MFAP2: variants seen among roughly 807,000 people sequenced by gnomAD.
The protein encoded by MFAP2 is microfibrillar-associated protein 2.
MFAP2 carries 23 observed loss-of-function variants against 30.6 expected under a neutral mutation model. The observed-to-expected ratio is 0.75, with a 90% CI of 0.54 to 1.07. MFAP2 has a LOEUF of 1.07. Among genes scored for constraint, MFAP2 ranks in the 50% least tolerant of loss-of-function variants. The probability of loss-of-function intolerance (pLI) is 0.00; values close to 1 mark genes in which losing one functional copy is unlikely to be tolerated. For synonymous variants in MFAP2, 73 were observed against 85.7 expected (o/e 0.85, Z 0.82); for missense variants, 198 against 223.8 (o/e 0.88, Z 0.74).
intron 3 of MFAP2, 67 bp downstream of exon 3, chr1:16,977,042 G>C: frequency 6.2e-7 from 1 of 1,612,280 alleles, no homozygotes; most frequent in South Asian, 1.1e-5. Flanking sequence ...AGCGTGTCCA[G>C]TGCGGTCCCT....
intron 1 of MFAP2, chr1:16,979,239 C>T (rs1357286880): frequency 7.2e-5 from 11 of 152,294 alleles, no homozygotes; most frequent in Admixed American, 5.2e-4. Context: ...TCCGGTTCCC[C>T]ACATCCAGCC....
At position 16,975,717 on chromosome 1, in the gene MFAP2, T is replaced by C; in HGVS notation, c.300A>G (p.Glu100=). 2 of 1,613,178 alleles carry C rather than the reference T, an allele frequency of 1.2e-6. No individual in the cohort carries two copies. Among genetic ancestry groups the C allele is most frequent in the African/African-American group, 2.7e-5 (2 of 74,938 alleles). The part of the protein sequence containing the change: ...TEPGPLDCRE[E]QYPCTRLYSI... ...AGTAGAGGCGGGTGCACGGGTACTG[T>C]TCCTCACGGCAGTCTGGTGACAGGT... The change falls in exon 7 of 9, where the codon GAA becomes GAG. Residue 100 remains glutamate (E), a synonymous_variant. Coordinates refer to ENST00000375535, the MANE Select transcript of MFAP2 (RefSeq NM_002403.4). The surrounding 1 kb of genome is among the most constrained non-coding windows in gnomAD (Gnocchi z 5.0).
In MFAP2 at chr1:16,976,856, C is replaced by G; in HGVS notation, c.154+41G>C. ...TACCCCTCCCAGGGGGTCTCCCCAC[C>G]CCAGCTGCCGGCCCGTCCTATCCTA... On this transcript the variant is annotated intron_variant, in intron 4 of 8. Coordinates refer to ENST00000375535, the MANE Select transcript of MFAP2 (RefSeq NM_002403.4). This position sits in a 1 kb window ranked among gnomAD's most constrained non-coding sequence, Gnocchi z 5.5. The G allele has an allele frequency of 6.2e-7, 1 of 1,614,094 alleles. No individual in the cohort carries two copies. The highest frequency in any genetic ancestry group is 8.5e-7 in the Non-Finnish European group (1 of 1,179,992).
chr1:16,976,959 A>C lies in MFAP2; in HGVS notation c.128-36T>G. ...AGATGAAAGTGGAATTGGTGGGAGT[A>C]AGGCTAATCCCCCAGCCCCTGGGGC... On this transcript the variant is annotated intron_variant, in intron 3 of 8. Coordinates refer to ENST00000375535, the MANE Select transcript of MFAP2 (RefSeq NM_002403.4). This position sits in a 1 kb window ranked among gnomAD's most constrained non-coding sequence, Gnocchi z 5.5. 1 of 1,614,034 alleles carries C rather than the reference A, an allele frequency of 6.2e-7. No individual in the cohort carries two copies. Among genetic ancestry groups the C allele is most frequent in the Non-Finnish European group, 8.5e-7 (1 of 1,179,980 alleles).
intron 1 of MFAP2, among the ~76,000 whole-genome samples, chr1:16,979,930 T>G (rs1459476398): frequency 6.6e-6 from 1 of 152,124 alleles, no homozygotes; most frequent in East Asian, 1.9e-4. Flanking sequence ...GAAGGGGTTT[T>G]GGGGCGTGCG....
chr1:16,976,901 A>G lies in MFAP2; in HGVS notation c.150T>C (p.Tyr50=). Residue 50 remains tyrosine, a synonymous_variant, in exon 4 of 9, where the codon TAT becomes TAC. Coordinates refer to ENST00000375535, the MANE Select transcript of MFAP2 (RefSeq NM_002403.4). This position sits in a 1 kb window ranked among gnomAD's most constrained non-coding sequence, Gnocchi z 5.5. ...DQIDNPDYYD[Y]QEVTPRPSEE... is the part of the protein sequence containing the mutation. The stretch of plus-strand genomic sequence containing the variant: ...ATCCTACCCCTAGCCCGTTACCTTG[A>G]TAATCATAGTAGTCTGGGTTGTCTG... 1 of 1,614,058 alleles carries G rather than the reference A, an allele frequency of 6.2e-7. No individual in the cohort carries two copies. The highest frequency in any genetic ancestry group is 8.5e-7 in the Non-Finnish European group (1 of 1,179,992).
intron 1 of MFAP2, among the ~76,000 whole-genome samples, chr1:16,979,555 C>T (rs1475890713): frequency 6.6e-6 from 1 of 152,222 alleles, no homozygotes; most frequent in Non-Finnish European, 1.5e-5. Flanking sequence ...AGCTCAGGAC[C>T]AAGCTGCCCC....
At chr1:16,981,528 T>C (rs1421609025), upstream of MFAP2, among the ~76,000 whole-genome samples, 3 of 152,226 alleles carry the variant, frequency 2.0e-5, no homozygotes, top group African/African-American at 7.2e-5. Context: ...AAAATTTCTT[T>C]TGTGACTCCG....
At position 16,975,619 on chromosome 1, in the gene MFAP2, C is replaced by T. The variant is rs560630092; in HGVS notation, c.374+24G>A. On this transcript the variant is annotated intron_variant, in intron 7 of 8. Transcript: ENST00000375535. This position sits in a 1 kb window ranked among gnomAD's most constrained non-coding sequence, Gnocchi z 5.0. ...AGCCCCCCATGCTCCGGAATCCTCC[C>T]GACAGCTGCCCATCTGTGCTCACCT... The T allele has an allele frequency of 9.9e-6, 16 of 1,611,116 alleles. No homozygotes were observed. The highest frequency in any genetic ancestry group is 8.4e-5 in the Admixed American group (5 of 59,842).
intron 1 of MFAP2, among the ~76,000 whole-genome samples, 160 bp downstream of exon 1, chr1:16,980,427 C>A (rs1032108942): frequency 6.6e-6 from 1 of 151,972 alleles, no homozygotes; most frequent in Non-Finnish European, 1.5e-5. Context: ...TTTCCAGGTG[C>A]CCCCTTGGCC....
Position 16,976,701 on chromosome 1 carries a change from G to A in MFAP2, c.241+7C>T, listed in dbSNP as rs1397146834. On this transcript the variant is annotated splice_region_variant and intron_variant, in intron 5 of 8. Coordinates refer to ENST00000375535, the MANE Select transcript of MFAP2 (RefSeq NM_002403.4). This position sits in a 1 kb window ranked among gnomAD's most constrained non-coding sequence, Gnocchi z 5.5. ...TGAGACGGGTGGGAGCAGGGTCTGG[G>A]GCCTACCTGGGGTTGGGGCTGGGAT... The A allele has an allele frequency of 6.2e-7, 1 of 1,613,590 alleles. No homozygotes were observed. Among genetic ancestry groups the A allele is most frequent in the African/African-American group, 1.3e-5 (1 of 74,990 alleles).
At position 16,975,362 on chromosome 1, in the gene MFAP2, G is replaced by A. The variant is rs1294173599; in HGVS notation, c.375-20C>T. The A allele has an allele frequency of 1.2e-6, 2 of 1,611,890 alleles. No individual in the cohort carries two copies. The highest frequency in any genetic ancestry group is 1.3e-5 in the African/African-American group (1 of 74,984). ...CGGAGGCTGCGGGGACAGGGCACGGGAGGTCTCAGCCCCACTTCCACCCAA... is the reference window on the plus strand; with the variant it reads ...CGGAGGCTGCGGGGACAGGGCACGGAAGGTCTCAGCCCCACTTCCACCCAA... On this transcript the variant is annotated intron_variant, in intron 7 of 8. Coordinates refer to ENST00000375535, the MANE Select transcript of MFAP2 (RefSeq NM_002403.4). This position sits in a 1 kb window ranked among gnomAD's most constrained non-coding sequence, Gnocchi z 5.0.
In MFAP2 at chr1:16,977,111, A is replaced by C. The variant is rs2076599399; in HGVS notation, c.125T>G (p.Ile42Ser). Residue 42 changes from isoleucine (I) to serine (S), a missense_variant and splice_region_variant, in exon 3 of 9, where the codon ATC becomes AGC. Transcript: ENST00000375535. Reference sequence around the variant, plus strand: ...CGGTGACCCGGCAAGGCCCTTACCGATCTGGTCGCTATAGTGGGTGTACTG... The same window carrying C: ...CGGTGACCCGGCAAGGCCCTTACCGCTCTGGTCGCTATAGTGGGTGTACTG... Reference protein sequence around the residue: ...HVQYTHYSDQIDNPDYYDYQE... With the variant: ...HVQYTHYSDQSDNPDYYDYQE... 1 of 1,613,668 alleles carries C rather than the reference A, an allele frequency of 6.2e-7. No homozygotes were observed. The highest frequency in any genetic ancestry group is 1.3e-5 in the African/African-American group (1 of 74,878).
chr1:16,977,265 G>C, intron 2 of MFAP2, 67 bp from the exon 3 acceptor site: 1 of 1,503,256 alleles, frequency 6.7e-7, no homozygotes, highest in Non-Finnish European at 9.1e-7. Flanking sequence ...GGCGCTTCTG[G>C]AGAGTGGAGG....
chr1:16,978,116 G>C (rs1030669933), intron 2 of MFAP2, 121 bp downstream of exon 2: 2 of 1,128,286 alleles, frequency 1.8e-6, no homozygotes, highest in Non-Finnish European at 2.5e-6. Context: ...AAGGCCCTGG[G>C]AGCTGGGGAG....
rs60998638 is a variant in MFAP2 at position 16,977,886 on chromosome 1, C to G, written c.37+351G>C. The G allele has an allele frequency of 1.7e-4, 50 of 290,402 alleles. No homozygotes were observed. In the East Asian group the frequency reaches 4.0e-3, roughly 23 times the overall value. 18.0% of individuals were successfully genotyped at this position (290,402 alleles called of 1,614,324 possible). On this transcript the variant is annotated intron_variant, in intron 2 of 8. Transcript: ENST00000375535. ...TAGAGCAGAAGGGCCCTGAATGGAT[C>G]TAGAACTCAAGCATCCGGACTCCCT...
intron 2 of MFAP2, 67 bp downstream of exon 2, chr1:16,978,170 C>T: frequency 1.3e-6 from 2 of 1,498,788 alleles, no homozygotes; most frequent in Non-Finnish European, 1.8e-6. Flanking sequence ...ACTATGAATT[C>T]CCCCTACTAA....
At position 16,975,352 on chromosome 1, in the gene MFAP2, CAG is replaced by C. The variant is rs1310648727; in HGVS notation, c.375-12_375-11del. ...GTACACACGGCGGAGGCTGCGGGGACAGGGCACGGGAGGTCTCAGCCCCACTT... is the reference window on the plus strand; with the variant it reads ...GTACACACGGCGGAGGCTGCGGGGACGGCACGGGAGGTCTCAGCCCCACTT... On this transcript the variant is annotated splice_polypyrimidine_tract_variant and intron_variant, in intron 7 of 8. Transcript: ENST00000375535. This position sits in a 1 kb window ranked among gnomAD's most constrained non-coding sequence, Gnocchi z 5.0. 8.1e-6 allele frequency: 13 copies of C among 1,613,132 alleles called. No individual in the cohort carries two copies. Among genetic ancestry groups the C allele is most frequent in the Middle Eastern group, 3.3e-4 (2 of 6,018 alleles).
Position 16,975,766 on chromosome 1 carries a change from T to A in MFAP2, c.287-36A>T. The A allele has an allele frequency of 1.3e-6, 2 of 1,592,502 alleles. No individual in the cohort carries two copies. The highest frequency in any genetic ancestry group is 1.7e-6 in the Non-Finnish European group (2 of 1,164,528). ...GTGGGGTCAGACTAGGAGCCCAGAG[T>A]GGGGGGCGGCCCCCAGCCTCACCCA... On this transcript the variant is annotated intron_variant, in intron 6 of 8. Transcript: ENST00000375535. This position sits in a 1 kb window ranked among gnomAD's most constrained non-coding sequence, Gnocchi z 5.0.
Sources: allele counts gnomAD v4.1 joint callset (sites outside exome capture counted in the v4.1 genomes callset), GRCh38; gene constraint gnomAD v4.1.1; non-coding constraint Gnocchi (gnomAD v3.1); transcripts MANE v1.5; gene names NCBI Gene and HGNC (gene_info 2026-07-23, HGNC 2026-07-21).